The following GBE1 variants were observed in gnomAD, a reference collection of about 807,000 sequenced individuals.
The protein encoded by GBE1 is 1,4-alpha-glucan-branching enzyme.
Under a neutral mutation model 88.8 loss-of-function variants are expected in GBE1, and 70 were observed. The observed-to-expected ratio is 0.79, with a 90% CI of 0.65 to 0.96. GBE1 has a LOEUF of 0.96. GBE1 is among the 40% of genes least tolerant of loss of function. The pLI is 0.00. For missense variants in GBE1, 872 were observed against 871.0 expected, an observed-to-expected ratio of 1.00 and a Z score of -0.01; for synonymous variants, 284 against 300.1, an observed-to-expected ratio of 0.95 and a Z score of 0.56.
chr3:81,602,201 T>C (rs79282266), intron 7 of GBE1, among the ~76,000 whole-genome samples: 2,226 of 152,254 alleles, frequency 0.015, 34 homozygotes, highest in African/African-American at 0.036. Flanking sequence ...TCATCTTACA[T>C]TAGTTCCGAA....
chr3:81,565,241 T>C (rs923968564), intron 12 of GBE1, among the ~76,000 whole-genome samples: 1 of 152,212 alleles, frequency 6.6e-6, no homozygotes, highest in Non-Finnish European at 1.5e-5. Flanking sequence ...TAGACTTCTA[T>C]GAGTCATGTT....
chr3:81,707,030 G>T (rs894711451), intron 1 of GBE1, among the ~76,000 whole-genome samples: 1 of 151,828 alleles, frequency 6.6e-6, no homozygotes, highest in African/African-American at 2.4e-5. Flanking sequence ...GGATATAGCT[G>T]CTGACTGAAA....
chr3:81,558,868 G>T (rs1352106244), intron 12 of GBE1, among the ~76,000 whole-genome samples: 1 of 152,006 alleles, frequency 6.6e-6, no homozygotes, highest in Non-Finnish European at 1.5e-5. Context: ...AAAATGATGG[G>T]TGTCTGTAGG....
At chr3:81,684,831 C>G (rs1369926191) in intron 2 of GBE1, among the ~76,000 whole-genome samples, 4 of 152,112 alleles carry the variant, frequency 2.6e-5, no homozygotes, top group African/African-American at 7.2e-5. Context: ...AGCAGCTACA[C>G]CAGAACTAAA....
At chr3:81,720,069 CT>C (rs1398992516) in intron 1 of GBE1, among the ~76,000 whole-genome samples, 7 of 152,046 alleles carry the variant, frequency 4.6e-5, no homozygotes, top group Non-Finnish European at 1.0e-4. Flanking sequence ...AAATCCACAT[CT>C]TTTGGACTAA....
chr3:81,532,388 T>C (rs1319273948), intron 14 of GBE1, among the ~76,000 whole-genome samples: 2 of 152,076 alleles, frequency 1.3e-5, no homozygotes, highest in Non-Finnish European at 2.9e-5. Context: ...ATACTTTCTA[T>C]TGTTCAAAGT....
At chr3:81,563,140 G>T (rs889422301) in intron 12 of GBE1, among the ~76,000 whole-genome samples, 15 of 151,984 alleles carry the variant, frequency 9.9e-5, no homozygotes, top group African/African-American at 3.6e-4. Context: ...GAATAACACT[G>T]GCAGAGTCCG....
chr3:81,538,190 T>C (rs1413218617), intron 12 of GBE1, among the ~76,000 whole-genome samples: 2 of 152,016 alleles, frequency 1.3e-5, no homozygotes, highest in Non-Finnish European at 2.9e-5. Context: ...GAAAGTATCA[T>C]AGCCAATACA....
intron 12 of GBE1, among the ~76,000 whole-genome samples, chr3:81,538,939 C>G (rs920524342): frequency 8.6e-5 from 13 of 152,016 alleles, no homozygotes; most frequent in African/African-American, 2.9e-4. Context: ...CTTTAGCCCT[C>G]TTCCATGGAG....
intron 2 of GBE1, among the ~76,000 whole-genome samples, chr3:81,678,125 T>C (rs557721905): frequency 6.6e-5 from 10 of 152,312 alleles, no homozygotes; most frequent in African/African-American, 2.2e-4. Flanking sequence ...CTACATGGCA[T>C]AGCCTACTAC....
chr3:81,637,765 A>G (rs1187438925), intron 7 of GBE1, among the ~76,000 whole-genome samples: 1 of 152,118 alleles, frequency 6.6e-6, no homozygotes, highest in African/African-American at 2.4e-5. Context: ...TGATGGTGTC[A>G]TATACTCGTT....
At chr3:81,757,700 A>G (rs1706622723) in intron 1 of GBE1, among the ~76,000 whole-genome samples, 1 of 152,202 alleles carries the variant, frequency 6.6e-6, no homozygotes, top group African/African-American at 2.4e-5. Flanking sequence ...GTTGACAGGG[A>G]CAAACATGTT....
chr3:81,586,931 G>C (rs1368896149), intron 9 of GBE1, among the ~76,000 whole-genome samples: 3 of 152,016 alleles, frequency 2.0e-5, no homozygotes, highest in Non-Finnish European at 4.4e-5. Context: ...TGGGATTACA[G>C]ATGTCCACCA....
At position 81,701,232 on chromosome 3, in the gene GBE1, C is replaced by T. The variant is rs141820014; in HGVS notation, c.313+4212G>A. On this transcript the variant is annotated intron_variant, in intron 2 of 15. Coordinates refer to ENST00000429644, the MANE Select transcript of GBE1 (RefSeq NM_000158.4). ...CTGATGAATGTCAATATATATACAC[C>T]ATCCTTCTAGGTTGCTGCGGCAGCT... Among the ~76,000 whole-genome samples the T allele has an allele frequency of 4.4e-3, 666 of 152,100 alleles. 8 individuals are homozygous for T. Among genetic ancestry groups the T allele is most frequent in the African/African-American group, 0.014 (600 of 41,520 alleles).
intron 14 of GBE1, 112 bp downstream of exon 14, chr3:81,535,083 A>G: frequency 1.0e-6 from 1 of 992,382 alleles, no homozygotes. Context: ...AGATGAGGAA[A>G]ATGAATGTTT....
chr3:81,685,343 TTTTG>T lies in GBE1; in HGVS notation c.314-14394_314-14391del, dbSNP rs560137446. On this transcript the variant is annotated intron_variant, in intron 2 of 15. Transcript: ENST00000429644. ...GTTGTTGTTGTTGTTGTTGTTTTGT[TTTTG>T]TTTGTTTTTCTCTTGTTCAAGGCTA... Among the ~76,000 whole-genome samples the T allele has an allele frequency of 1.3e-4, 20 of 150,948 alleles. 1 individual carries two copies. The East Asian group carries it at 1.5e-3, about 12-fold the overall frequency.
intron 3 of GBE1, among the ~76,000 whole-genome samples, chr3:81,669,697 A>G (rs1025177703): frequency 6.6e-6 from 1 of 151,726 alleles, no homozygotes; most frequent in African/African-American, 2.4e-5. Flanking sequence ...AAAGGGGATT[A>G]TTTATATTAA....
chr3:81,592,674 C>T lies in GBE1; in HGVS notation c.1108+1234G>A, dbSNP rs138080663. 2.6e-5 allele frequency among the ~76,000 whole-genome samples: 4 copies of T among 151,894 alleles called. No individual in the cohort carries two copies. The East Asian group carries it at 5.8e-4, about 22-fold the overall frequency. On this transcript the variant is annotated intron_variant, in intron 8 of 15. Coordinates refer to ENST00000429644, the MANE Select transcript of GBE1 (RefSeq NM_000158.4). ...TCTTGGATTCTGTATCTATAAAAAG[C>T]ACATCCCATATCCATAAACTTTGGT... is the stretch of plus-strand genomic sequence containing the variant.
At chr3:81,760,957 T>C (rs1308970986) in intron 1 of GBE1, among the ~76,000 whole-genome samples, 2 of 152,254 alleles carry the variant, frequency 1.3e-5, no homozygotes, top group Non-Finnish European at 2.9e-5. Context: ...AAGTTTTAAA[T>C]GCGTAATTAC....
Sources: gnomAD v4.1 joint callset for allele counts (sites outside exome capture counted in the v4.1 genomes callset) on GRCh38, gnomAD v4.1.1 for gene constraint, MANE v1.5 for transcripts, NCBI Gene and HGNC (gene_info 2026-07-23, HGNC 2026-07-21) for gene names.